Variants in GABRR2 observed in about 807,000 individuals in gnomAD.
GABRR2 encodes gamma-aminobutyric acid receptor subunit rho-2.
In GABRR2, 36 loss-of-function variants were observed where a neutral mutation model predicts 47.0. That is an observed-to-expected ratio of 0.77 (90% confidence interval 0.59 to 1.01). The LOEUF (loss-of-function observed/expected upper bound fraction) is 1.01. GABRR2 is among the 50% of genes least tolerant of loss of function. GABRR2 has a pLI of 0.00. For synonymous variants in GABRR2, 204 were observed against 227.5 expected (o/e 0.90, Z 0.93); for missense variants, 587 against 594.6 (o/e 0.99, Z 0.13).
rs746143259 is a variant in GABRR2, at chr6:89,268,026, C to T, written c.583G>A (p.Glu195Lys). Residue 195 changes from glutamate (E) to lysine (K), a missense_variant, in exon 5 of 9, where the codon GAG (glutamate) becomes AAG (lysine). Transcript: ENST00000402938. ...FPLDSQTCSL[E>K]LESYAYTDED... is the part of the protein sequence containing the mutation. ...TGCTGATACTTACAGCTCTCCAGCT[C>T]CAAAGAACAGGTCTGGGAGTCCAGG... 2 of 1,611,612 alleles carry T rather than the reference C, an allele frequency of 1.2e-6. No individual in the cohort carries two copies. The highest frequency in any genetic ancestry group is 1.7e-6 in the Non-Finnish European group (2 of 1,178,766).
At chr6:89,302,020 T>C in intron 1 of GABRR2, 3 of 674,188 alleles carry the variant, frequency 4.4e-6, no homozygotes, top group East Asian at 5.2e-5. Flanking sequence ...GCTCGGGGCC[T>C]TTTGGACATT....
intron 1 of GABRR2, among the ~76,000 whole-genome samples, chr6:89,308,009 AC>A (rs1277222304): frequency 1.3e-5 from 2 of 151,846 alleles, no homozygotes; most frequent in South Asian, 2.1e-4. Context: ...TAGAGACGGG[AC>A]CACCATGTTG....
intron 2 of GABRR2, among the ~76,000 whole-genome samples, chr6:89,289,895 G>T (rs1021129084): frequency 1.3e-5 from 2 of 152,200 alleles, no homozygotes; most frequent in African/African-American, 4.8e-5. Context: ...TCACAACATA[G>T]CAGAGAAGCA....
chr6:89,265,043 T>C (rs575260217), intron 7 of GABRR2, among the ~76,000 whole-genome samples: 1 of 152,276 alleles, frequency 6.6e-6, no homozygotes, highest in East Asian at 1.9e-4. Context: ...AGGCCCATCA[T>C]GCGGGATTCT....
intron 1 of GABRR2, chr6:89,302,665 C>T: frequency 3.1e-6 from 4 of 1,293,382 alleles, no homozygotes; most frequent in Non-Finnish European, 4.3e-6. Context: ...AACATGATGG[C>T]TGCCCGCGAC....
At chr6:89,265,241 G>A (rs528565226) in intron 7 of GABRR2, among the ~76,000 whole-genome samples, 1 of 152,222 alleles carries the variant, frequency 6.6e-6, no homozygotes, top group Admixed American at 6.5e-5. Context: ...CTACCTCCAA[G>A]CCCTCAGTCT....
At chr6:89,314,952 T>C (rs1239837178) in intron 1 of GABRR2, 101 bp downstream of exon 1, 6 of 979,750 alleles carry the variant, frequency 6.1e-6, no homozygotes, top group African/African-American at 4.9e-5. Flanking sequence ...CATAGGGCGA[T>C]ATCTCAATAG....
intron 2 of GABRR2, among the ~76,000 whole-genome samples, chr6:89,272,867 G>T (rs1774084505): frequency 6.6e-6 from 1 of 152,174 alleles, no homozygotes; most frequent in African/African-American, 2.4e-5. Context: ...GCGTACGTAG[G>T]AACTAGAAAG....
chr6:89,280,464 A>G (rs560188237), intron 2 of GABRR2, among the ~76,000 whole-genome samples: 1 of 151,980 alleles, frequency 6.6e-6, no homozygotes, highest in African/African-American at 2.4e-5. Context: ...ACTGGTGTCT[A>G]TGTCACTGAG....
In GABRR2 at chr6:89,268,072, G is replaced by C. The variant is rs1562356514; in HGVS notation, c.537C>G (p.Asn179Lys). Residue 179 changes from asparagine (N) to lysine (K), a missense_variant, in exon 5 of 9, where the codon AAC becomes AAG. By Grantham distance (94) the Asn-to-Lys change is moderately conservative (BLOSUM62 0). Coordinates refer to ENST00000402938, the MANE Select transcript of GABRR2 (RefSeq NM_002043.5). ...SMRITVTAMC[N>K]MDFSHFPLDS... is the part of the protein sequence containing the mutation. Reference sequence around the variant, plus strand: ...CCAGGGGAAAGTGGCTGAAGTCCATGTTGCACATGGCAGTGACCGTAATCC... The same window carrying C: ...CCAGGGGAAAGTGGCTGAAGTCCATCTTGCACATGGCAGTGACCGTAATCC... 6.2e-7 allele frequency: 1 copy of C among 1,611,080 alleles called. No individual in the cohort carries two copies. The highest frequency in any genetic ancestry group is 8.5e-7 in the Non-Finnish European group (1 of 1,178,546).
At chr6:89,294,143 C>T (rs950576202) in intron 2 of GABRR2, among the ~76,000 whole-genome samples, 1 of 68,464 alleles carries the variant, frequency 1.5e-5, no homozygotes, top group Non-Finnish European at 2.5e-5. Context: ...AGTCTGAGCA[C>T]GATAATTTTT....
intron 8 of GABRR2, among the ~76,000 whole-genome samples, chr6:89,262,947 A>G (rs916121755): frequency 6.6e-6 from 1 of 152,248 alleles, no homozygotes; most frequent in Non-Finnish European, 1.5e-5. Flanking sequence ...CACTAAAATG[A>G]ATAAGAGTCT....
rs376753149 is a variant in GABRR2, at chr6:89,287,717, G to C, written c.220+12042C>G. On this transcript the variant is annotated intron_variant, in intron 2 of 8. Coordinates refer to ENST00000402938, the MANE Select transcript of GABRR2 (RefSeq NM_002043.5). ...AGGTGACTGAGTCCCCAGCTAGAGG[G>C]AGGCACAGCCATGAGCTGATCCCCA... is the stretch of plus-strand genomic sequence containing the variant. Among the ~76,000 whole-genome samples, 72 of 152,342 alleles carry C rather than the reference G, an allele frequency of 4.7e-4. No homozygotes were observed. In the Middle Eastern group the frequency reaches 0.01, roughly 22 times the overall value.
At chr6:89,276,208 A>G (rs1774157328) in intron 2 of GABRR2, among the ~76,000 whole-genome samples, 1 of 149,870 alleles carries the variant, frequency 6.7e-6, no homozygotes, top group Non-Finnish European at 1.5e-5. Flanking sequence ...TCAGAAAATA[A>G]GGCATACACA....
At chr6:89,287,784 G>T (rs1381293240) in intron 2 of GABRR2, among the ~76,000 whole-genome samples, 2 of 152,244 alleles carry the variant, frequency 1.3e-5, no homozygotes, top group Non-Finnish European at 2.9e-5. Flanking sequence ...ACTGCCCTGT[G>T]TTATGCAGAA....
chr6:89,292,733 A>ATATATCAGATATATATCGTATCTC (rs1774474603), intron 2 of GABRR2, among the ~76,000 whole-genome samples: 2 of 98,998 alleles, frequency 2.0e-5, no homozygotes, highest in Admixed American at 1.2e-4. Flanking sequence ...TATCGTATAT[A>ATATATCAGATATATATCGTATCTC]TCATATATAA....
intron 8 of GABRR2, among the ~76,000 whole-genome samples, chr6:89,261,724 G>A (rs1773750222): frequency 6.6e-6 from 1 of 152,136 alleles, no homozygotes; most frequent in South Asian, 2.1e-4. Context: ...AACAAGCACT[G>A]GCCTTGAGAT....
chr6:89,261,681 T>G (rs1773749264), intron 8 of GABRR2, among the ~76,000 whole-genome samples: 1 of 152,228 alleles, frequency 6.6e-6, no homozygotes, highest in Non-Finnish European at 1.5e-5. Flanking sequence ...GTGTGCTAAC[T>G]GCCACAAGGT....
At chr6:89,267,925 G>A (rs1244763917) in intron 5 of GABRR2, 89 bp downstream of exon 5, 4 of 1,566,328 alleles carry the variant, frequency 2.6e-6, no homozygotes, top group Non-Finnish European at 3.5e-6. Flanking sequence ...TCTTAACGCT[G>A]GCGGGCAGTG....
Sources: gnomAD v4.1 joint callset for allele counts (sites outside exome capture counted in the v4.1 genomes callset) on GRCh38, gnomAD v4.1.1 for gene constraint, MANE v1.5 for transcripts, NCBI Gene and HGNC (gene_info 2026-07-23, HGNC 2026-07-21) for gene names.